OVCH1: variants seen among roughly 807,000 people sequenced by gnomAD.
The protein encoded by OVCH1 is ovochymase-1.
In OVCH1, 139 loss-of-function variants were observed where a neutral mutation model predicts 138.4. The ratio of observed to expected loss-of-function variants is 1.00; its 90% CI spans 0.87 to 1.16. OVCH1 has a LOEUF of 1.16. Ranked by LOEUF, OVCH1 falls within the 50% of genes most tolerant of loss-of-function variation. The pLI, the probability that OVCH1 is intolerant of heterozygous loss-of-function variation, is 0.00. For missense variants in OVCH1, 1,367 were observed against 1,357.9 expected (o/e 1.01, Z -0.11); for synonymous variants, 453 against 467.8 (o/e 0.97, Z 0.41).
intron 24 of OVCH1, among the ~76,000 whole-genome samples, chr12:29,443,806 G>GC (rs952020296): frequency 1.3e-5 from 2 of 151,966 alleles, no homozygotes; most frequent in Non-Finnish European, 2.9e-5. Context: ...GCCAGAATTT[G>GC]CCCCAAACTC....
chr12:29,437,622 C>T (rs1256169027), intron 26 of OVCH1, among the ~76,000 whole-genome samples: 1 of 152,110 alleles, frequency 6.6e-6, no homozygotes, highest in Non-Finnish European at 1.5e-5. Flanking sequence ...AACTAGTATG[C>T]TTTCCATGAT....
chr12:29,476,951 C>G (rs1018876121), intron 12 of OVCH1, 151 bp downstream of exon 12: 2 of 959,736 alleles, frequency 2.1e-6, no homozygotes, highest in South Asian at 2.2e-5. Context: ...AAACCACTCA[C>G]AGAGATTTCT....
chr12:29,450,975 A>T, intron 22 of OVCH1, among the ~76,000 whole-genome samples: 1 of 126,762 alleles, frequency 7.9e-6, no homozygotes, highest in Admixed American at 9.3e-5. Flanking sequence ...ACGAGAACAC[A>T]TGGACACAGG....
chr12:29,480,772 T>C (rs561580824), intron 8 of OVCH1, among the ~76,000 whole-genome samples: 101 of 152,266 alleles, frequency 6.6e-4, no homozygotes, highest in African/African-American at 2.4e-3. Flanking sequence ...CTCTCCTCCT[T>C]CTTTATATTA....
intron 1 of OVCH1, among the ~76,000 whole-genome samples, chr12:29,497,273 C>T (rs1943444513): frequency 6.6e-6 from 1 of 151,986 alleles, no homozygotes; most frequent in Non-Finnish European, 1.5e-5. Context: ...AACAAACAAA[C>T]AAAACAAAAG....
intron 8 of OVCH1, among the ~76,000 whole-genome samples, chr12:29,485,974 AAATAAAT>A (rs1469620443): frequency 0.022 from 212 of 9,670 alleles, 1 homozygote; most frequent in African/African-American, 0.041. Context: ...AAAATAAAAT[AAATAAAT>A]AAATAAATAA....
At position 29,431,280 on chromosome 12, in the gene OVCH1, A is replaced by G. The variant is rs1941263238; in HGVS notation, c.3327+2471T>C. Among the ~76,000 whole-genome samples the G allele has an allele frequency of 2.6e-5, 4 of 151,986 alleles. No homozygotes were observed. The South Asian group carries it at 8.3e-4, about 32-fold the overall frequency. ...CAAGACCTCGTCTCTACCAAAAAAA[A>G]CAAAAGTGCTAGCCAGGTATGGTGG... On this transcript the variant is annotated intron_variant, in intron 27 of 27. Coordinates refer to ENST00000318184, the Ensembl canonical transcript of OVCH1.
At chr12:29,406,147 T>G in the OVCH1 span, among the ~76,000 whole-genome samples, 1 of 152,206 alleles carries the variant, frequency 6.6e-6, no homozygotes, top group Non-Finnish European at 1.5e-5. Flanking sequence ...TGTGTATGTT[T>G]AGAGTACAAT....
rs762363132 is a variant in OVCH1 at position 29,497,620 on chromosome 12, C to T, written c.64+3G>A. The T allele has an allele frequency of 5.6e-6, 9 of 1,613,720 alleles. No homozygotes were observed. In the African/African-American group the frequency reaches 8.0e-5, roughly 14 times the overall value. ...GTCCTGGTGCCCAGGTCCCTAGGCTCACCTAGGCTTCTGGGGTGGCCGATG... is the reference window on the plus strand; with the variant it reads ...GTCCTGGTGCCCAGGTCCCTAGGCTTACCTAGGCTTCTGGGGTGGCCGATG... On this transcript the variant is annotated splice_donor_region_variant and intron_variant, in intron 1 of 27. Transcript: ENST00000318184.
chr12:29,445,493 C>G, intron 22 of OVCH1, 90 bp from the exon 23 acceptor site: 1 of 1,278,278 alleles, frequency 7.8e-7, no homozygotes, highest in Non-Finnish European at 1.1e-6. Context: ...ATTTAACCCA[C>G]GAGGTAGGAA....
intron 25 of OVCH1, among the ~76,000 whole-genome samples, chr12:29,439,628 T>C (rs1283047015): frequency 6.6e-6 from 1 of 152,142 alleles, no homozygotes; most frequent in Non-Finnish European, 1.5e-5. Flanking sequence ...ATCTTACAAT[T>C]CAATTCCATT....
chr12:29,442,727 CTCTT>C (rs1436096258), intron 25 of OVCH1, among the ~76,000 whole-genome samples: 6 of 151,748 alleles, frequency 4.0e-5, no homozygotes, highest in South Asian at 4.2e-4. Context: ...TTATGTTTTT[CTCTT>C]TATTTTATTA....
intron 26 of OVCH1, chr12:29,439,294 G>T: frequency 7.0e-7 from 1 of 1,425,830 alleles, no homozygotes; most frequent in Non-Finnish European, 9.2e-7. Context: ...TGTTATATAA[G>T]CCCAAGTTCT....
At position 29,472,927 on chromosome 12, in the gene OVCH1, C is replaced by T. The variant is rs1053873245; in HGVS notation, c.1675+102G>A. 3.1e-5 allele frequency: 31 copies of T among 984,522 alleles called. No homozygotes were observed. In the East Asian group the frequency reaches 3.9e-4, roughly 13 times the overall value. The allele number at this position is 984,522 out of a possible 1,614,324, so 61.0% of individuals were successfully genotyped here. On this transcript the variant is annotated intron_variant, in intron 15 of 27. Transcript: ENST00000318184. ...TAAATATAAGACTCATTCTTCTTCA[C>T]TGTGGAGTTATAGCCAATGTAAGAT...
intron 4 of OVCH1, among the ~76,000 whole-genome samples, chr12:29,493,877 C>T (rs1250517508): frequency 1.3e-5 from 2 of 152,136 alleles, no homozygotes; most frequent in Non-Finnish European, 2.9e-5. Flanking sequence ...TTTCTGTGCT[C>T]GAATTCATTA....
intron 26 of OVCH1, among the ~76,000 whole-genome samples, chr12:29,437,013 T>C (rs979595409): frequency 1.3e-5 from 2 of 152,202 alleles, no homozygotes; most frequent in Non-Finnish European, 2.9e-5. Context: ...TACAGAGTGC[T>C]GACTGGTCCG....
chr12:29,427,720 G>T, intron 27 of OVCH1: 1 of 1,514,498 alleles, frequency 6.6e-7, no homozygotes, highest in South Asian at 1.2e-5. Context: ...TGAATGGGGT[G>T]ATAGCCTAGC....
At chr12:29,408,540 G>A (rs1202679938), downstream of OVCH1, among the ~76,000 whole-genome samples, 4 of 123,510 alleles carry the variant, frequency 3.2e-5, no homozygotes, top group African/African-American at 5.3e-5. Flanking sequence ...TTTGTCAAAG[G>A]CCTTTTCTGC....
At chr12:29,429,775 A>G (rs1941237640) in intron 27 of OVCH1, among the ~76,000 whole-genome samples, 1 of 152,204 alleles carries the variant, frequency 6.6e-6, no homozygotes. Flanking sequence ...CATCCTTGAG[A>G]CAAAGAGAAA....
Sources: allele counts gnomAD v4.1 joint callset (sites outside exome capture counted in the v4.1 genomes callset), GRCh38; gene constraint gnomAD v4.1.1; transcripts MANE v1.5; gene names NCBI Gene and HGNC (gene_info 2026-07-23, HGNC 2026-07-21).